ABI3BP: variants seen among roughly 807,000 people sequenced by gnomAD.
ABI3BP encodes ABI family member 3 binding protein.
Under a neutral mutation model 268.6 loss-of-function variants are expected in ABI3BP, and 216 were observed. That is an observed-to-expected ratio of 0.80 (90% CI 0.72 to 0.90). The LOEUF (loss-of-function observed/expected upper bound fraction) is 0.90, where lower values mean the gene tolerates loss of function less well. Ranked by LOEUF, ABI3BP falls within the 40% of genes least tolerant of loss-of-function variation. ABI3BP has a pLI of 0.00. For missense variants in ABI3BP, 2,090 were observed against 2,182.4 expected (o/e 0.96, Z 0.84); for synonymous variants, 730 against 730.0 (o/e 1.00, Z 0.00).
Position 100,794,995 on chromosome 3 carries a change from C to G in ABI3BP, c.3874G>C (p.Glu1292Gln). ...EPPKTTIAPL[E>Q]TRGIPFIPMI... ...GGTATAAAAGGGATGCCTCGTGTCT[C>G]TAGAGGAGCTGCAAAAAGAAAAGGA... Residue 1292 changes from glutamate (E) to glutamine (Q), a missense_variant, in exon 54 of 68, where the codon GAG becomes CAG. Transcript: ENST00000471714. 6.7e-7 allele frequency: 1 copy of G among 1,501,560 alleles called. No homozygotes were observed. The allele number at this position is 1,501,560 out of a possible 1,614,324, so 93.0% of individuals were successfully genotyped here. A position where few individuals can be genotyped will look rare whatever the true frequency, so the allele number is the denominator to read the frequency against.
At chr3:100,876,050 C>A (rs1280508684) in intron 7 of ABI3BP, among the ~76,000 whole-genome samples, 2 of 152,032 alleles carry the variant, frequency 1.3e-5, no homozygotes, top group East Asian at 1.9e-4. Flanking sequence ...TCTCTTCTAC[C>A]AAGAAACTTT....
At chr3:100,917,116 C>A (rs769575879) in intron 2 of ABI3BP, among the ~76,000 whole-genome samples, 2 of 152,166 alleles carry the variant, frequency 1.3e-5, no homozygotes, top group Non-Finnish European at 2.9e-5. Flanking sequence ...CCTTCCCTAG[C>A]AAACTCTGGG....
At chr3:100,809,129 G>C (rs2097785495) in intron 49 of ABI3BP, among the ~76,000 whole-genome samples, 1 of 152,002 alleles carries the variant, frequency 6.6e-6, no homozygotes. Flanking sequence ...GAATCTTCTT[G>C]CCTGTAGAGA....
intron 36 of ABI3BP, 142 bp from the exon 37 acceptor site, chr3:100,823,656 G>A (rs1194035049): frequency 6.1e-6 from 4 of 653,224 alleles, no homozygotes; most frequent in Non-Finnish European, 1.0e-5. Flanking sequence ...AGGAAAGAAT[G>A]TGTGTTTGTT....
chr3:100,953,804 C>T (rs1020026246), intron 1 of ABI3BP, among the ~76,000 whole-genome samples: 3 of 151,846 alleles, frequency 2.0e-5, no homozygotes, highest in Non-Finnish European at 2.9e-5. Flanking sequence ...AAAGAATGTT[C>T]CAGGTAAAAA....
chr3:100,890,804 C>T (rs2044256715), intron 4 of ABI3BP, among the ~76,000 whole-genome samples: 1 of 152,064 alleles, frequency 6.6e-6, no homozygotes, highest in Non-Finnish European at 1.5e-5. Context: ...CTCTTGTGAT[C>T]CCCATTTCTG....
chr3:100,881,165 A>G (rs1440500983), intron 6 of ABI3BP, among the ~76,000 whole-genome samples: 1 of 152,230 alleles, frequency 6.6e-6, no homozygotes, highest in Non-Finnish European at 1.5e-5. Flanking sequence ...ATGTATTAAT[A>G]GTTTGCCTAC....
At chr3:100,832,378 T>C (rs1315388365) in intron 30 of ABI3BP, 28 bp from the exon 31 acceptor site, 4 of 1,525,662 alleles carry the variant, frequency 2.6e-6, no homozygotes, top group Non-Finnish European at 2.6e-6. Flanking sequence ...AGGATTAATA[T>C]GGTGCTGATG....
chr3:100,801,378 TG>T (rs1296381692), intron 51 of ABI3BP, among the ~76,000 whole-genome samples: 2 of 144,462 alleles, frequency 1.4e-5, no homozygotes, highest in Non-Finnish European at 3.0e-5. Context: ...CAGTGAGCTA[TG>T]ATTGCATCAT....
intron 2 of ABI3BP, among the ~76,000 whole-genome samples, chr3:100,918,338 A>G (rs1348353685): frequency 6.7e-6 from 1 of 149,712 alleles, no homozygotes; most frequent in Admixed American, 6.7e-5. Context: ...CCGTCCACCC[A>G]TCCACCCGTC....
chr3:100,761,010 A>AT (rs918095616), intron 63 of ABI3BP, among the ~76,000 whole-genome samples: 1 of 151,802 alleles, frequency 6.6e-6, no homozygotes, highest in Non-Finnish European at 1.5e-5. Flanking sequence ...TCAATAGTTG[A>AT]TTTTTCTGCT....
intron 1 of ABI3BP, among the ~76,000 whole-genome samples, chr3:100,961,029 T>G (rs1278003027): frequency 6.6e-6 from 1 of 152,242 alleles, no homozygotes; most frequent in African/African-American, 2.4e-5. Flanking sequence ...TTTAAACTGC[T>G]AGGTTGGTGG....
Position 100,898,885 on chromosome 3 carries a change from C to G in ABI3BP, c.338G>C (p.Arg113Pro). 2 of 1,609,146 alleles carry G rather than the reference C, an allele frequency of 1.2e-6. No individual in the cohort carries two copies. The highest frequency in any genetic ancestry group is 1.7e-6 in the Non-Finnish European group (2 of 1,178,118). Residue 113 changes from arginine (R) to proline (P), a missense_variant, in exon 4 of 68, where the codon CGT becomes CCT. Transcript: ENST00000471714. Reference protein sequence around the residue: ...SQKKSCSGKTRSRKPLQLVVG... With the variant: ...SQKKSCSGKTPSRKPLQLVVG... ...CACCAGCTGCAGAGGTTTGCGAGAA[C>G]GAGTTTTACCTGTGGAGGTGGCATA...
intron 1 of ABI3BP, among the ~76,000 whole-genome samples, chr3:100,970,365 G>C (rs1332115722): frequency 6.6e-6 from 1 of 152,092 alleles, no homozygotes; most frequent in Non-Finnish European, 1.5e-5. Context: ...GGACACCTGG[G>C]GAAGTAGCTA....
At chr3:100,959,917 G>A (rs909443628) in intron 1 of ABI3BP, among the ~76,000 whole-genome samples, 1 of 152,124 alleles carries the variant, frequency 6.6e-6, no homozygotes, top group South Asian at 2.1e-4. Flanking sequence ...AGTGTCTACT[G>A]TCCTACATAA....
chr3:100,770,724 C>A lies in ABI3BP; in HGVS notation c.4741+19G>T. ...TATCAAAGCTTCCCACCATAACAGTCCTCATGCCATGATCTTACCAGTGAC... is the reference window on the plus strand; with the variant it reads ...TATCAAAGCTTCCCACCATAACAGTACTCATGCCATGATCTTACCAGTGAC... On this transcript the variant is annotated intron_variant, in intron 62 of 67. Coordinates refer to ENST00000471714, the MANE Select transcript of ABI3BP (RefSeq NM_001375547.2). 1 of 1,455,376 alleles carries A rather than the reference C, an allele frequency of 6.9e-7. No homozygotes were observed. Among genetic ancestry groups the A allele is most frequent in the Non-Finnish European group, 9.1e-7 (1 of 1,099,880 alleles). The allele number at this position is 1,455,376 out of a possible 1,614,324, so 90.2% of individuals were successfully genotyped here. A position where few individuals can be genotyped will look rare whatever the true frequency, so the allele number is the denominator to read the frequency against.
chr3:100,826,827 G>A (rs1302937319), intron 34 of ABI3BP, among the ~76,000 whole-genome samples: 1 of 152,038 alleles, frequency 6.6e-6, no homozygotes, highest in Non-Finnish European at 1.5e-5. Context: ...GATCTAGTGT[G>A]GAAGAAAGAC....
At chr3:100,826,275 A>C (rs879535396) in intron 34 of ABI3BP, among the ~76,000 whole-genome samples, 1 of 152,192 alleles carries the variant, frequency 6.6e-6, no homozygotes, top group Non-Finnish European at 1.5e-5. Context: ...AGTTGTGAGA[A>C]ATAGACTTCT....
chr3:100,797,113 T>G (rs1322372861), intron 51 of ABI3BP, among the ~76,000 whole-genome samples: 4 of 152,066 alleles, frequency 2.6e-5, no homozygotes, highest in Non-Finnish European at 5.9e-5. Flanking sequence ...GCTTCCAGTA[T>G]ATTAGGTGTC....
Sources: gnomAD v4.1 joint callset for allele counts (sites outside exome capture counted in the v4.1 genomes callset) on GRCh38, gnomAD v4.1.1 for gene constraint, MANE v1.5 for transcripts, NCBI Gene and HGNC (gene_info 2026-07-23, HGNC 2026-07-21) for gene names.